The following PRRC2C variants were observed in gnomAD, a reference collection of about 807,000 sequenced individuals.
The protein encoded by PRRC2C is protein PRRC2C.
PRRC2C carries 72 observed loss-of-function variants against 317.2 expected under a neutral mutation model. That is an observed-to-expected ratio of 0.23 (90% CI 0.19 to 0.28). The LOEUF is 0.28. PRRC2C is among the 10% of genes least tolerant of loss of function. The probability of loss-of-function intolerance (pLI) is 1.00; values close to 1 mark genes in which losing one functional copy is unlikely to be tolerated. For missense variants in PRRC2C, 3,074 were observed against 3,459.7 expected (o/e 0.89, Z 2.80); for synonymous variants, 1,296 against 1,205.9 (o/e 1.07, Z -1.55).
At chr1:171,568,696 T>A (rs1278340302) in intron 23 of PRRC2C, among the ~76,000 whole-genome samples, 1 of 152,196 alleles carries the variant, frequency 6.6e-6, no homozygotes, top group Non-Finnish European at 1.5e-5. Context: ...ACATAAAACC[T>A]TTTTATAATT....
chr1:171,514,394 C>A, intron 3 of PRRC2C, 142 bp from the exon 4 acceptor site: 1 of 643,914 alleles, frequency 1.6e-6, no homozygotes, highest in Non-Finnish European at 2.7e-6. Flanking sequence ...AGGAATGTTG[C>A]AGAGAGAAAA....
intron 34 of PRRC2C, among the ~76,000 whole-genome samples, chr1:171,589,983 CTTTTT>C (rs750871044): frequency 1.6e-4 from 19 of 121,076 alleles, no homozygotes; most frequent in Non-Finnish European, 2.8e-4. Flanking sequence ...CATTTTCTTT[CTTTTT>C]TTTTTTTTTT....
At chr1:171,530,855 A>G (rs7538745) in intron 11 of PRRC2C, among the ~76,000 whole-genome samples, 23,986 of 152,176 alleles carry the variant, frequency 0.16, 1,957 homozygotes, top group Middle Eastern at 0.29. Flanking sequence ...TAAATGAAAT[A>G]TCTATTTACC....
chr1:171,506,021 A>G (rs944243820), intron 1 of PRRC2C, among the ~76,000 whole-genome samples: 12 of 152,232 alleles, frequency 7.9e-5, no homozygotes, highest in Admixed American at 6.5e-5. Flanking sequence ...CTTGGTGTTC[A>G]GTAGGCTATG....
At chr1:171,584,560 C>A in intron 30 of PRRC2C, 34 bp downstream of exon 30, 7 of 1,511,204 alleles carry the variant, frequency 4.6e-6, no homozygotes, top group Non-Finnish European at 6.2e-6. Flanking sequence ...CCTCAATTTT[C>A]TTTATTATTA....
intron 26 of PRRC2C, among the ~76,000 whole-genome samples, chr1:171,578,007 G>T (rs1647531723): frequency 6.8e-6 from 1 of 147,256 alleles, no homozygotes; most frequent in Admixed American, 6.8e-5. Context: ...TGTTGCCCAG[G>T]CTGGCCTCGA....
chr1:171,537,387 T>A lies in PRRC2C; in HGVS notation c.2418T>A (p.Arg806=). Residue 806 remains arginine, a synonymous_variant, in exon 15 of 35, where the codon CGT becomes CGA. Transcript: ENST00000647382. ...RDHAISLSEP[R]MLWGSDPYPH... ...ACGCAATTTCCCTTTCTGAGCCTCGTATGCTGTGGGGGTCAGATCCCTATC... is the reference window on the plus strand; with the variant it reads ...ACGCAATTTCCCTTTCTGAGCCTCGAATGCTGTGGGGGTCAGATCCCTATC... 6.3e-7 allele frequency: 1 copy of A among 1,588,676 alleles called. No individual in the cohort carries two copies. The highest frequency in any genetic ancestry group is 1.8e-5 in the Admixed American group (1 of 56,094).
At chr1:171,526,805 C>T (rs983154047) in intron 10 of PRRC2C, among the ~76,000 whole-genome samples, 284 of 90,140 alleles carry the variant, frequency 3.2e-3, no homozygotes, top group South Asian at 7.6e-3. Context: ...AGAAATATAT[C>T]TTTTTTTTTT....
intron 9 of PRRC2C, among the ~76,000 whole-genome samples, chr1:171,523,742 A>G (rs781477912): frequency 6.6e-6 from 1 of 152,158 alleles, no homozygotes; most frequent in African/African-American, 2.4e-5. Context: ...AAGTTTATTT[A>G]AAAACATTTA....
intron 1 of PRRC2C, among the ~76,000 whole-genome samples, chr1:171,490,609 A>T (rs1388639386): frequency 6.6e-6 from 1 of 152,236 alleles, no homozygotes; most frequent in Non-Finnish European, 1.5e-5. Context: ...AGAACAAGAC[A>T]AAATAAGAAG....
chr1:171,517,731 A>T lies in PRRC2C; in HGVS notation c.667A>T (p.Ile223Leu). ...NDILKVVEKRIACGPPQAKLN... is the reference protein window; with the variant it reads ...NDILKVVEKRLACGPPQAKLN... ...TATCCTCAAAGTGGTGGAAAAGAGG[A>T]TAGCTTGTGGTCCTCCACAGGCTAA... Residue 223 changes from isoleucine (I) to leucine (L), a missense_variant, in exon 6 of 35, where the codon ATA (isoleucine) becomes TTA (leucine). Physicochemically the swap from Ile to Leu is conservative, Grantham distance 5. Transcript: ENST00000647382. 2 of 1,613,814 alleles carry T rather than the reference A, an allele frequency of 1.2e-6. No individual in the cohort carries two copies. Among genetic ancestry groups the T allele is most frequent in the Non-Finnish European group, 1.7e-6 (2 of 1,179,864 alleles).
At position 171,514,598 on chromosome 1, in the gene PRRC2C, C is replaced by A; in HGVS notation, c.353C>A (p.Pro118His). ...GTTGCAGCTCCCCCAGAAGTAGCAC[C>A]TGCTCCCAAATCATGGGCCAGTAAC... ...PGVAAPPEVA[P>H]APKSWASNKQ... The change falls in exon 4 of 35, where the codon CCT becomes CAT. Residue 118 changes from proline to histidine, a missense_variant. By Grantham distance (77) the Pro-to-His change is moderately conservative (BLOSUM62 -2). Transcript: ENST00000647382. 2 of 1,562,222 alleles carry A rather than the reference C, an allele frequency of 1.3e-6. No homozygotes were observed. The highest frequency in any genetic ancestry group is 1.7e-6 in the Non-Finnish European group (2 of 1,153,278).
intron 26 of PRRC2C, among the ~76,000 whole-genome samples, chr1:171,578,121 G>T (rs1011672711): frequency 1.3e-5 from 2 of 151,766 alleles, no homozygotes; most frequent in African/African-American, 4.8e-5. Context: ...CTTTTTAAAA[G>T]TGTCTTGGAA....
chr1:171,526,124 TTGTGACAGTCA>T (rs1172595509), intron 10 of PRRC2C, among the ~76,000 whole-genome samples: 3 of 152,218 alleles, frequency 2.0e-5, no homozygotes, highest in Non-Finnish European at 4.4e-5. Context: ...TTTGACTTTT[TTGTGACAGTCA>T]TGTGACAGTT....
intron 1 of PRRC2C, among the ~76,000 whole-genome samples, chr1:171,493,752 G>A (rs901133158): frequency 4.6e-5 from 7 of 151,944 alleles, no homozygotes; most frequent in African/African-American, 1.2e-4. Context: ...CCTGGGAGGC[G>A]GAGATCCTAC....
rs1440848395 is a variant in PRRC2C, at chr1:171,550,165, T to A, written c.5052T>A (p.Thr1684=). 8.7e-6 allele frequency: 14 copies of A among 1,607,834 alleles called. No homozygotes were observed. The highest frequency in any genetic ancestry group is 2.5e-6 in the Non-Finnish European group (3 of 1,176,754). The change falls in exon 18 of 35, where the codon ACT becomes ACA. Residue 1684 remains threonine (T), a synonymous_variant. Coordinates refer to ENST00000647382, the MANE Select transcript of PRRC2C (RefSeq NM_001387844.1). ...CAAATTTGAATGATGATGGTTTTAC[T>A]GAAGTGGTATCCAAAAAACAACAAA... ...PQSNLNDDGF[T]EVVSKKQQKR...
At chr1:171,513,292 C>A (rs1671710736) in intron 3 of PRRC2C, 120 bp downstream of exon 3, 1 of 1,094,798 alleles carries the variant, frequency 9.1e-7, no homozygotes, top group Admixed American at 2.5e-5. Flanking sequence ...ATATTTTATA[C>A]TCTTTAAAGT....
At chr1:171,513,351 C>T in intron 3 of PRRC2C, 179 bp downstream of exon 3, 1 of 759,390 alleles carries the variant, frequency 1.3e-6, no homozygotes, top group Non-Finnish European at 2.2e-6. Flanking sequence ...AAAAGTATTT[C>T]AATTTGTCAG....
In PRRC2C at chr1:171,592,725, A is replaced by G. The variant is rs1456098160; in HGVS notation, c.*878A>G. On this transcript the variant is annotated 3_prime_UTR_variant, in exon 35 of 35. Coordinates refer to ENST00000647382, the MANE Select transcript of PRRC2C (RefSeq NM_001387844.1). ...GTTTTTTTCTTTTTTTTTTTATACC[A>G]GTTTTTAGCTGGTGTTTATGAAGAA... The G allele has an allele frequency of 2.0e-5, 3 of 150,960 alleles. No individual in the cohort carries two copies. Among genetic ancestry groups the G allele is most frequent in the African/African-American group, 7.3e-5 (3 of 40,984 alleles). The allele number at this position is 150,960 out of a possible 1,614,324, so 9.4% of individuals were successfully genotyped here. A position where few individuals can be genotyped will look rare whatever the true frequency, so the allele number is the denominator to read the frequency against.
Sources: allele counts gnomAD v4.1 joint callset (sites outside exome capture counted in the v4.1 genomes callset), GRCh38; gene constraint gnomAD v4.1.1; transcripts MANE v1.5; gene names NCBI Gene and HGNC (gene_info 2026-07-23, HGNC 2026-07-21).